The following NUP98 variants were observed in gnomAD, a reference collection of about 807,000 sequenced individuals.
The protein encoded by NUP98 is nucleoporin 98 and 96 precursor.
Under a neutral mutation model 191.9 loss-of-function variants are expected in NUP98, and 26 were observed. The ratio of observed to expected loss-of-function variants is 0.14; its 90% CI spans 0.10 to 0.19. NUP98 has a LOEUF of 0.19. Among genes scored for constraint, NUP98 ranks in the 10% least tolerant of loss-of-function variants. The probability of loss-of-function intolerance (pLI) is 1.00; values close to 1 mark genes in which losing one functional copy is unlikely to be tolerated. For synonymous variants in NUP98, 808 were observed against 778.4 expected (o/e 1.04, Z -0.63); for missense variants, 1,941 against 2,178.8 (o/e 0.89, Z 2.17).
intron 21 of NUP98, among the ~76,000 whole-genome samples, chr11:3,705,996 CAAAAAAAAA>C (rs66628165): frequency 2.0e-5 from 2 of 99,476 alleles, no homozygotes; most frequent in African/African-American, 7.2e-5. Context: ...ACTAAAAATA[CAAAAAAAAA>C]AAAAAAAAAA....
chr11:3,717,963 G>A (rs1246114682), intron 18 of NUP98, among the ~76,000 whole-genome samples: 5 of 152,104 alleles, frequency 3.3e-5, no homozygotes, highest in African/African-American at 1.2e-4. Flanking sequence ...TCAATACGCT[G>A]TTAAATTCTG....
intron 13 of NUP98, among the ~76,000 whole-genome samples, chr11:3,731,971 T>C (rs945586918): frequency 4.6e-5 from 7 of 152,232 alleles, no homozygotes; most frequent in African/African-American, 1.2e-4. Flanking sequence ...GCATTATCTG[T>C]GTGTATGTGT....
intron 23 of NUP98, among the ~76,000 whole-genome samples, chr11:3,701,182 A>G (rs987959340): frequency 3.3e-5 from 5 of 152,036 alleles, no homozygotes; most frequent in African/African-American, 1.2e-4. Context: ...AAAAGTCATG[A>G]GGCTAAGCTT....
At chr11:3,683,667 T>C (rs1391531919) in intron 29 of NUP98, among the ~76,000 whole-genome samples, 3 of 151,828 alleles carry the variant, frequency 2.0e-5, no homozygotes, top group South Asian at 2.1e-4. Flanking sequence ...GCCTCACAAG[T>C]AGCTGGGATT....
chr11:3,764,378 TTA>T (rs1491007452), intron 8 of NUP98, among the ~76,000 whole-genome samples: 1 of 152,246 alleles, frequency 6.6e-6, no homozygotes, highest in Non-Finnish European at 1.5e-5. Flanking sequence ...TTTCTACATT[TTA>T]GTCATTATGA....
intron 1 of NUP98, among the ~76,000 whole-genome samples, chr11:3,790,399 C>T (rs141931400): frequency 1.3e-5 from 2 of 152,286 alleles, no homozygotes; most frequent in Non-Finnish European, 2.9e-5. Flanking sequence ...GCTCTATGAA[C>T]CAATGTGAAA....
At chr11:3,764,743 T>C (rs540430070) in intron 8 of NUP98, among the ~76,000 whole-genome samples, 219 of 152,306 alleles carry the variant, frequency 1.4e-3, no homozygotes, top group South Asian at 2.3e-3. Context: ...CATGCCCGGC[T>C]AATTTTTTGT....
At chr11:3,692,039 TTATA>T (rs375426612) in intron 27 of NUP98, among the ~76,000 whole-genome samples, 22 of 152,080 alleles carry the variant, frequency 1.4e-4, no homozygotes, top group African/African-American at 4.8e-4. Context: ...AAAAATAAAA[TTATA>T]TAGTTTGTAG....
intron 27 of NUP98, 55 bp downstream of exon 27, chr11:3,693,177 G>C: frequency 6.3e-7 from 1 of 1,582,258 alleles, no homozygotes; most frequent in Non-Finnish European, 8.7e-7. Flanking sequence ...GCTTCAATTT[G>C]ACAATACTTT....
intron 1 of NUP98, among the ~76,000 whole-genome samples, chr11:3,786,317 T>C (rs143506207): frequency 6.6e-6 from 1 of 152,190 alleles, no homozygotes; most frequent in Non-Finnish European, 1.5e-5. Flanking sequence ...CTCTGGCAAA[T>C]ATGGGAGTTC....
chr11:3,778,198 CAA>C lies in NUP98; in HGVS notation c.355+673_355+674del, dbSNP rs71302029. Among the ~76,000 whole-genome samples, 487 of 60,504 alleles carry C rather than the reference CAA, an allele frequency of 8.0e-3. 2 individuals carry two copies. The highest frequency in any genetic ancestry group is 0.027 in the African/African-American group (457 of 16,958). The allele number at this position is 60,504 out of a possible 152,430, so 39.7% of individuals were successfully genotyped here. A position where few individuals can be genotyped will look rare whatever the true frequency, so the allele number is the denominator to read the frequency against. ...TGGGTGACAGAGCGAGACTCCATCTCAAAAAAAAAAAAAAAAAAAAAAGAAAG... is the reference window on the plus strand; with the variant it reads ...TGGGTGACAGAGCGAGACTCCATCTCAAAAAAAAAAAAAAAAAAAAGAAAG... On this transcript the variant is annotated intron_variant, in intron 4 of 32. Transcript: ENST00000324932.
chr11:3,718,963 T>C (rs1240594100), intron 18 of NUP98, among the ~76,000 whole-genome samples: 3 of 151,564 alleles, frequency 2.0e-5, no homozygotes, highest in Non-Finnish European at 2.9e-5. Flanking sequence ...CTACTAAAAA[T>C]ACAAAAATTA....
chr11:3,793,992 T>C (rs1351623317), intron 1 of NUP98, among the ~76,000 whole-genome samples: 1 of 152,010 alleles, frequency 6.6e-6, no homozygotes, highest in Non-Finnish European at 1.5e-5. Flanking sequence ...AATAAATAAA[T>C]ACATGTGAAA....
intron 8 of NUP98, among the ~76,000 whole-genome samples, chr11:3,765,317 C>T (rs111539967): frequency 0.033 from 4,955 of 152,320 alleles, 122 homozygotes; most frequent in Non-Finnish European, 0.049. Flanking sequence ...TCCCCGACCT[C>T]AGCCTCCTGA....
chr11:3,775,706 T>C (rs559199479), intron 5 of NUP98, among the ~76,000 whole-genome samples, 176 bp downstream of exon 5: 1 of 152,328 alleles, frequency 6.6e-6, no homozygotes, highest in East Asian at 1.9e-4. Flanking sequence ...GTAATCTAGA[T>C]TTACATTTCA....
chr11:3,700,077 C>T (rs1026252465), intron 24 of NUP98, among the ~76,000 whole-genome samples: 20 of 151,986 alleles, frequency 1.3e-4, no homozygotes, highest in Admixed American at 5.2e-4. Context: ...AAGAAGGGGC[C>T]GGGCTCGATG....
At chr11:3,780,887 C>T (rs1262867628) in intron 2 of NUP98, among the ~76,000 whole-genome samples, 1 of 152,038 alleles carries the variant, frequency 6.6e-6, no homozygotes, top group East Asian at 1.9e-4. Flanking sequence ...TGAGACCACC[C>T]TGGCCAACAT....
In NUP98 at chr11:3,731,631, C is replaced by T. The variant is rs151172999; in HGVS notation, c.1543-53G>A. On this transcript the variant is annotated intron_variant, in intron 13 of 32. Coordinates refer to ENST00000324932, the MANE Select transcript of NUP98 (RefSeq NM_016320.5). ...TTTGGTTTACTTTAAATGTACTGCA[C>T]TGGCCTTAAAAATCACAAGACCAGA... 7.3e-5 allele frequency: 92 copies of T among 1,261,558 alleles called. No individual in the cohort carries two copies. The African/African-American group carries it at 1.2e-3, about 16-fold the overall frequency. 78.1% of individuals were successfully genotyped at this position (1,261,558 alleles called of 1,614,324 possible).
At chr11:3,724,519 C>A (rs114652576) in intron 15 of NUP98, among the ~76,000 whole-genome samples, 1 of 150,712 alleles carries the variant, frequency 6.6e-6, no homozygotes, top group Admixed American at 6.6e-5. Context: ...AGGCTGGGCA[C>A]GGTGGCTCAC....
Sources: gnomAD v4.1 joint callset for allele counts (sites outside exome capture counted in the v4.1 genomes callset) on GRCh38, gnomAD v4.1.1 for gene constraint, MANE v1.5 for transcripts, NCBI Gene and HGNC (gene_info 2026-07-23, HGNC 2026-07-21) for gene names.